The following GTF2A2 variants were observed in gnomAD, a reference collection of about 807,000 sequenced individuals.
GTF2A2 encodes the protein transcription initiation factor IIA subunit 2.
Under a neutral mutation model 14.3 loss-of-function variants are expected in GTF2A2, and 9 were observed. The ratio of observed to expected loss-of-function variants is 0.63; its 90% CI spans 0.38 to 1.10. GTF2A2 has a LOEUF of 1.10. GTF2A2 is among the 50% of genes least tolerant of loss of function. GTF2A2 has a pLI of 0.01. For synonymous variants in GTF2A2, 56 were observed against 46.0 expected (o/e 1.22, Z -0.88); for missense variants, 90 against 124.6 (o/e 0.72, Z 1.32).
At chr15:59,650,821 G>T in intron 2 of GTF2A2, 48 bp from the exon 3 acceptor site, 1 of 978,548 alleles carries the variant, frequency 1.0e-6, no homozygotes, top group Non-Finnish European at 1.6e-6. Context: ...GAACATTAAA[G>T]ACAAAGTAAA....
chr15:59,642,248 C>A lies in GTF2A2; in HGVS notation c.192G>T (p.Thr64=). The A allele has an allele frequency of 6.2e-7, 1 of 1,606,732 alleles. No homozygotes were observed. Among genetic ancestry groups the A allele is most frequent in the Non-Finnish European group, 8.5e-7 (1 of 1,176,942 alleles). ...TCCACACATTATCGCAGAATCTGTA[C>A]GTATTTAGAGAGCCCTTTAAAACAA... ...NRVNFRGSLN[T]YRFCDNVWTF... is the part of the protein sequence containing the mutation. Residue 64 remains threonine (T), a synonymous_variant, in exon 4 of 5, where the codon ACG becomes ACT. Coordinates refer to ENST00000396060, the MANE Select transcript of GTF2A2 (RefSeq NM_004492.3).
intron 3 of GTF2A2, among the ~76,000 whole-genome samples, chr15:59,649,345 A>T (rs1215868539): frequency 6.6e-6 from 1 of 152,236 alleles, no homozygotes; most frequent in Non-Finnish European, 1.5e-5. Flanking sequence ...AACACTATGC[A>T]AGATAAATGT....
chr15:59,650,298 G>C (rs1349307401), intron 3 of GTF2A2, among the ~76,000 whole-genome samples: 1 of 152,122 alleles, frequency 6.6e-6, no homozygotes, highest in Non-Finnish European at 1.5e-5. Context: ...CCTGGAACGG[G>C]GAAAGGCCAG....
At chr15:59,652,351 A>T (rs910990888) in intron 1 of GTF2A2, 25 bp from the exon 2 acceptor site, 9 of 768,110 alleles carry the variant, frequency 1.2e-5, no homozygotes, top group Admixed American at 8.8e-5. Flanking sequence ...TAAAATTGTT[A>T]AAAAAGATCA....
intron 1 of GTF2A2, among the ~76,000 whole-genome samples, chr15:59,655,003 C>T (rs932227539): frequency 7.2e-5 from 11 of 152,172 alleles, no homozygotes; most frequent in African/African-American, 2.7e-4. Flanking sequence ...CCCATATACT[C>T]TCCCTCCCTG....
chr15:59,639,048 G>GAATAAATAAAAAGTCTCTTC lies in GTF2A2; in HGVS notation c.*64_*83dup, dbSNP rs1759550142. On this transcript the variant is annotated 3_prime_UTR_variant, in exon 5 of 5. Coordinates refer to ENST00000396060, the MANE Select transcript of GTF2A2 (RefSeq NM_004492.3). ...CAGTGTAGTCATTTCTGCAATTCTA[G>GAATAAATAAAAAGTCTCTTC]AATAAATAAAAAGTCTCTTCTATGC... The GAATAAATAAAAAGTCTCTTC allele has an allele frequency of 1.2e-6, 1 of 826,622 alleles. No homozygotes were observed. Among genetic ancestry groups the GAATAAATAAAAAGTCTCTTC allele is most frequent in the Non-Finnish European group, 2.1e-6 (1 of 477,264 alleles). The allele number at this position is 826,622 out of a possible 1,614,324, so 51.2% of individuals were successfully genotyped here. A position where few individuals can be genotyped will look rare whatever the true frequency, so the allele number is the denominator to read the frequency against.
intron 1 of GTF2A2, among the ~76,000 whole-genome samples, chr15:59,653,659 C>G (rs1352224332): frequency 6.6e-6 from 1 of 152,170 alleles, no homozygotes; most frequent in East Asian, 1.9e-4. Context: ...ATACCATCTA[C>G]TATCTGGTGA....
At chr15:59,641,278 AAC>A (rs1295517248) in intron 4 of GTF2A2, among the ~76,000 whole-genome samples, 1 of 151,974 alleles carries the variant, frequency 6.6e-6, no homozygotes, top group Non-Finnish European at 1.5e-5. Flanking sequence ...AAAAAGTTAT[AAC>A]ACCATCAGGT....
intron 1 of GTF2A2, among the ~76,000 whole-genome samples, chr15:59,654,959 T>G (rs1001487996): frequency 1.3e-5 from 2 of 152,216 alleles, no homozygotes; most frequent in African/African-American, 4.8e-5. Flanking sequence ...TTTTGGATTT[T>G]GGAGCATTTT....
intron 2 of GTF2A2, chr15:59,651,401 T>A (rs1229618147): frequency 2.6e-5 from 4 of 152,444 alleles, no homozygotes; most frequent in Non-Finnish European, 5.9e-5. Context: ...GGTCTCTAAC[T>A]CTTGACCTTG....
chr15:59,648,051 T>C (rs1321388622), intron 3 of GTF2A2, among the ~76,000 whole-genome samples: 1 of 152,190 alleles, frequency 6.6e-6, no homozygotes, highest in Non-Finnish European at 1.5e-5. Flanking sequence ...CTCAACACTA[T>C]AAAGTAACCA....
chr15:59,641,048 T>C (rs1891403297), intron 4 of GTF2A2, among the ~76,000 whole-genome samples: 1 of 152,180 alleles, frequency 6.6e-6, no homozygotes, highest in Non-Finnish European at 1.5e-5. Flanking sequence ...TAAGGTGTAA[T>C]TTTATATAGC....
intron 4 of GTF2A2, among the ~76,000 whole-genome samples, chr15:59,640,634 G>A (rs1891384066): frequency 6.6e-6 from 1 of 152,152 alleles, no homozygotes. Context: ...AAAGTTCTAA[G>A]CAGTACTGGT....
chr15:59,639,221 C>CTA, intron 4 of GTF2A2, 64 bp from the exon 5 acceptor site: 1 of 992,158 alleles, frequency 1.0e-6, no homozygotes, highest in Non-Finnish European at 1.6e-6. Flanking sequence ...TTACAATTAA[C>CTA]TATTTTAAGA....
chr15:59,645,561 G>C (rs1338764382), intron 3 of GTF2A2, among the ~76,000 whole-genome samples: 1 of 152,182 alleles, frequency 6.6e-6, no homozygotes. Context: ...TAAATATACT[G>C]AAAGTCACCC....
At chr15:59,648,896 T>C (rs941761739) in intron 3 of GTF2A2, among the ~76,000 whole-genome samples, 2 of 151,908 alleles carry the variant, frequency 1.3e-5, no homozygotes, top group African/African-American at 4.8e-5. Context: ...ATCTCGCCAC[T>C]GCACTCCAGC....
At chr15:59,648,872 T>A (rs1290808943) in intron 3 of GTF2A2, among the ~76,000 whole-genome samples, 2 of 152,022 alleles carry the variant, frequency 1.3e-5, no homozygotes, top group African/African-American at 4.8e-5. Context: ...AGGCGGAGCT[T>A]GCAGTGAGCC....
rs1178588669 is a variant in GTF2A2 at position 59,652,052 on chromosome 15, A to C, written c.72+154T>G. ...TCCTGTTGTCAGGACAGTGTAATAA[A>C]CAAGAATTTGAGGTAATTTAATCAG... On this transcript the variant is annotated intron_variant, in intron 2 of 4. Transcript: ENST00000396060. 4 of 571,646 alleles carry C rather than the reference A, an allele frequency of 7.0e-6. No homozygotes were observed. The East Asian group carries it at 9.2e-5, about 13-fold the overall frequency. 35.4% of individuals were successfully genotyped at this position (571,646 alleles called of 1,614,324 possible). A position where few individuals can be genotyped will look rare whatever the true frequency, so the allele number is the denominator to read the frequency against.
chr15:59,644,486 G>A (rs527745065), intron 3 of GTF2A2, among the ~76,000 whole-genome samples: 131 of 152,328 alleles, frequency 8.6e-4, no homozygotes, highest in African/African-American at 3.1e-3. Context: ...CTGTGTGCTA[G>A]ACTATGCTGG....
Sources: allele counts gnomAD v4.1 joint callset (sites outside exome capture counted in the v4.1 genomes callset), GRCh38; gene constraint gnomAD v4.1.1; transcripts MANE v1.5; gene names NCBI Gene and HGNC (gene_info 2026-07-23, HGNC 2026-07-21).